ATG13: variants seen among roughly 807,000 people sequenced by gnomAD.
ATG13 encodes the protein autophagy-related protein 13.
A neutral mutation model predicts 65.5 loss-of-function variants in ATG13; 23 were observed. The ratio of observed to expected loss-of-function variants is 0.35; its 90% CI spans 0.25 to 0.50. ATG13 has a LOEUF of 0.50. Among genes scored for constraint, ATG13 ranks in the 20% least tolerant of loss-of-function variants. The pLI is 0.98. For missense variants in ATG13, 566 were observed against 677.0 expected, an observed-to-expected ratio of 0.84 and a Z score of 1.82; for synonymous variants, 252 against 245.2, an observed-to-expected ratio of 1.03 and a Z score of -0.26.
At chr11:46,647,119 A>G (rs974154750) in intron 5 of ATG13, among the ~76,000 whole-genome samples, 2 of 152,144 alleles carry the variant, frequency 1.3e-5, no homozygotes, top group African/African-American at 4.8e-5. Flanking sequence ...ACTTCTGCTC[A>G]TCCTTCAAGA....
At chr11:46,643,012 G>T (rs2056536215) in intron 2 of ATG13, among the ~76,000 whole-genome samples, 1 of 152,196 alleles carries the variant, frequency 6.6e-6, no homozygotes, top group South Asian at 2.1e-4. Flanking sequence ...GAGGGTGCAG[G>T]TTTTATAGTG....
intron 5 of ATG13, among the ~76,000 whole-genome samples, chr11:46,646,629 A>G (rs144819535): frequency 6.6e-6 from 1 of 151,806 alleles, no homozygotes; most frequent in Non-Finnish European, 1.5e-5. Flanking sequence ...ATGCCCAGCT[A>G]GTTTCTTTAT....
intron 10 of ATG13, among the ~76,000 whole-genome samples, chr11:46,657,825 A>G (rs145284234): frequency 3.3e-4 from 51 of 152,340 alleles, no homozygotes; most frequent in African/African-American, 1.1e-3. Context: ...TAGTATATAC[A>G]GACTGTCTCA....
intron 7 of ATG13, among the ~76,000 whole-genome samples, chr11:46,653,695 G>C (rs1202226794): frequency 1.3e-5 from 2 of 150,322 alleles, no homozygotes; most frequent in African/African-American, 4.9e-5. Flanking sequence ...TCAGCCTCCC[G>C]AGTAGCTGGG....
intron 18 of ATG13, 38 bp from the exon 19 acceptor site, chr11:46,672,217 G>C (rs2063910929): frequency 6.2e-7 from 1 of 1,613,928 alleles, no homozygotes; most frequent in Middle Eastern, 1.7e-4. Context: ...TCAAGGCCCT[G>C]CCTGAATAAA....
intron 9 of ATG13, 119 bp downstream of exon 9, chr11:46,657,310 A>G (rs1054364168): frequency 7.7e-6 from 8 of 1,045,016 alleles, no homozygotes; most frequent in Non-Finnish European, 1.0e-5. Context: ...CTTCAGAAGA[A>G]TAAAGAGAGA....
intron 1 of ATG13, among the ~76,000 whole-genome samples, chr11:46,623,897 G>T: frequency 6.7e-6 from 1 of 149,020 alleles, no homozygotes. Flanking sequence ...TATTATTTTT[G>T]CATTATATTT....
intron 2 of ATG13, among the ~76,000 whole-genome samples, chr11:46,632,691 T>C (rs2052223653): frequency 6.7e-6 from 1 of 148,570 alleles, no homozygotes; most frequent in South Asian, 2.1e-4. Context: ...CTATAGACTT[T>C]TGGCAGTAGA....
At chr11:46,667,977 T>C (rs1169380936) in intron 15 of ATG13, 90 bp downstream of exon 15, 2 of 982,126 alleles carry the variant, frequency 2.0e-6, no homozygotes, top group African/African-American at 1.6e-5. Context: ...GATATTAATA[T>C]ATATGAAACT....
chr11:46,646,025 A>T, intron 5 of ATG13, 36 bp downstream of exon 5: 1 of 1,612,866 alleles, frequency 6.2e-7, no homozygotes, highest in Non-Finnish European at 8.5e-7. Context: ...TTCATTTAGC[A>T]CTGAAGGCTC....
intron 18 of ATG13, 129 bp from the exon 19 acceptor site, chr11:46,672,126 C>T: frequency 4.8e-6 from 7 of 1,448,936 alleles, no homozygotes; most frequent in South Asian, 1.2e-5. Flanking sequence ...GCCCTGCGTT[C>T]TCCCACTTGC....
chr11:46,639,792 G>T (rs1310368056), intron 2 of ATG13, among the ~76,000 whole-genome samples: 2 of 151,870 alleles, frequency 1.3e-5, no homozygotes, highest in African/African-American at 4.8e-5. Context: ...TTTCTCTGTG[G>T]GGGGGCCTTT....
At chr11:46,649,291 C>A in intron 6 of ATG13, 108 bp downstream of exon 6, 1 of 1,281,366 alleles carries the variant, frequency 7.8e-7, no homozygotes, top group Non-Finnish European at 1.1e-6. Flanking sequence ...GCATTCTGAC[C>A]ACTTAACAAA....
chr11:46,645,860 T>G lies in ATG13; in HGVS notation c.151-10T>G. On this transcript the variant is annotated splice_polypyrimidine_tract_variant and intron_variant, in intron 4 of 18. Coordinates refer to ENST00000683050, the MANE Select transcript of ATG13 (RefSeq NM_001346311.2). ...GAGTGTTTCATGCAAAAGTCCCTTT[T>G]GTTTTCCAGTTCAACTTAGCAATCA... The G allele has an allele frequency of 6.2e-7, 1 of 1,613,984 alleles. No individual in the cohort carries two copies. Among genetic ancestry groups the G allele is most frequent in the Non-Finnish European group, 8.5e-7 (1 of 1,179,928 alleles).
intron 10 of ATG13, among the ~76,000 whole-genome samples, chr11:46,658,299 A>G (rs2060439296): frequency 6.6e-6 from 1 of 152,214 alleles, no homozygotes; most frequent in Non-Finnish European, 1.5e-5. Flanking sequence ...GTGAAATTGA[A>G]TAGGCTTGGC....
chr11:46,653,737 T>A (rs1432476789), intron 7 of ATG13, among the ~76,000 whole-genome samples: 1 of 151,630 alleles, frequency 6.6e-6, no homozygotes, highest in African/African-American at 2.4e-5. Flanking sequence ...GCCCGGCTAA[T>A]TTTTTGTATT....
At chr11:46,657,434 A>G in intron 9 of ATG13, 90 bp from the exon 10 acceptor site, 1 of 1,272,528 alleles carries the variant, frequency 7.9e-7, no homozygotes, top group Non-Finnish European at 1.1e-6. Flanking sequence ...AGTGCCTGCC[A>G]ACAGATGTAA....
chr11:46,666,915 T>A (rs1805382573), intron 14 of ATG13, among the ~76,000 whole-genome samples: 1 of 152,074 alleles, frequency 6.6e-6, no homozygotes. Flanking sequence ...TAGGAAGGTT[T>A]TTGTGTGTGT....
chr11:46,671,943 G>C (rs578024819), intron 18 of ATG13, among the ~76,000 whole-genome samples: 1 of 152,366 alleles, frequency 6.6e-6, no homozygotes, highest in African/African-American at 2.4e-5. Context: ...GTGTCAGTCA[G>C]ATCTGTGCCA....
Sources: gnomAD v4.1 joint callset for allele counts (sites outside exome capture counted in the v4.1 genomes callset) on GRCh38, gnomAD v4.1.1 for gene constraint, MANE v1.5 for transcripts, NCBI Gene and HGNC (gene_info 2026-07-23, HGNC 2026-07-21) for gene names.